PCDHGA4: variants seen among roughly 807,000 people sequenced by gnomAD.
PCDHGA4 encodes the protein protocadherin gamma subfamily A, 4.
Under a neutral mutation model 54.6 loss-of-function variants are expected in PCDHGA4, and 38 were observed. The observed-to-expected ratio is 0.70, with a 90% CI of 0.54 to 0.91. PCDHGA4 has a LOEUF of 0.91. PCDHGA4 is among the 40% of genes least tolerant of loss of function. The probability of loss-of-function intolerance (pLI) is 0.00; values close to 1 mark genes in which losing one functional copy is unlikely to be tolerated. For synonymous variants in PCDHGA4, 511 were observed against 512.9 expected (o/e 1.00, Z 0.05); for missense variants, 1,298 against 1,220.9 (o/e 1.06, Z -0.94).
At chr5:141,430,396 A>G (rs1433813025) in intron 1 of PCDHGA4, among the ~76,000 whole-genome samples, 5 of 151,842 alleles carry the variant, frequency 3.3e-5, no homozygotes, top group Non-Finnish European at 7.4e-5. Context: ...AAAAAAAAAA[A>G]GCTCACTAAA....
At chr5:141,412,067 G>A (rs1428018643) in intron 1 of PCDHGA4, 2 of 152,170 alleles carry the variant, frequency 1.3e-5, no homozygotes, top group Non-Finnish European at 2.9e-5. Context: ...TTGCATTTGA[G>A]GGAACAATTG....
rs564486909 is a variant in PCDHGA4, at chr5:141,428,072, G to C, written c.2515-66735G>C. ...AGGTGGTGGCGGTGGACGCAGATTC[G>C]GGACACAACGCTTGGCTGTCCTACC... is the stretch of plus-strand genomic sequence containing the variant. On this transcript the variant is annotated intron_variant, in intron 1 of 3. Transcript: ENST00000571252. 5 of 1,609,080 alleles carry C rather than the reference G, an allele frequency of 3.1e-6. 1 individual carries two copies. The South Asian group carries it at 5.5e-5, about 18-fold the overall frequency.
intron 3 of PCDHGA4, among the ~76,000 whole-genome samples, chr5:141,506,484 C>T (rs1489425559): frequency 6.6e-6 from 1 of 150,566 alleles, no homozygotes; most frequent in Non-Finnish European, 1.5e-5. Context: ...GCTTTAGAGG[C>T]AGGCCAATCT....
At chr5:141,424,055 C>T (rs2096796946) in intron 1 of PCDHGA4, 1 of 1,007,784 alleles carries the variant, frequency 9.9e-7, no homozygotes. Flanking sequence ...TTTTGCTGTG[C>T]CTTCACTGAT....
chr5:141,388,861 T>C lies in PCDHGA4; in HGVS notation c.2514+31240T>C, dbSNP rs1487226750. 7 of 1,613,872 alleles carry C rather than the reference T, an allele frequency of 4.3e-6. No homozygotes were observed. The East Asian group carries it at 1.1e-4, about 26-fold the overall frequency. On this transcript the variant is annotated intron_variant, in intron 1 of 3. Transcript: ENST00000571252. ...GAAGCAAGGGACGGTGGAGGAATGATTGCGCAATGCACAGTGGAGGTAGAA... is the reference window on the plus strand; with the variant it reads ...GAAGCAAGGGACGGTGGAGGAATGACTGCGCAATGCACAGTGGAGGTAGAA...
chr5:141,393,137 C>T (rs777446564), intron 1 of PCDHGA4: 14 of 1,613,286 alleles, frequency 8.7e-6, no homozygotes, highest in South Asian at 2.2e-5. Context: ...ATATTAACAC[C>T]CTGGTTGAGG....
intron 1 of PCDHGA4, chr5:141,375,485 G>A (rs1478417043): frequency 6.2e-7 from 1 of 1,613,794 alleles, no homozygotes; most frequent in Non-Finnish European, 8.5e-7. Flanking sequence ...CAACCCCAGG[G>A]GTGCCTCCAT....
At chr5:141,415,482 G>A in intron 1 of PCDHGA4, 1 of 1,614,218 alleles carries the variant, frequency 6.2e-7, no homozygotes, top group Non-Finnish European at 8.5e-7. Flanking sequence ...ACTCGCGAAA[G>A]AGTCACCTGA....
At chr5:141,390,138 CTA>C (rs770679519) in intron 1 of PCDHGA4, 6 of 1,613,938 alleles carry the variant, frequency 3.7e-6, no homozygotes, top group Non-Finnish European at 5.1e-6. Flanking sequence ...TTCCTACAAT[CTA>C]TGTGTTGCAC....
Position 141,370,565 on chromosome 5 carries a change from C to T in PCDHGA4, c.2514+12944C>T, listed in dbSNP as rs776498616. ...ACCTCGCCAAGGACCTGGGGTTTGG[C>T]GTGGGGGATTTACCTACTAGGAACC... On this transcript the variant is annotated intron_variant, in intron 1 of 3. Transcript: ENST00000571252. The T allele has an allele frequency of 1.9e-5, 31 of 1,613,664 alleles. No individual in the cohort carries two copies. In the Admixed American group the frequency reaches 5.2e-4, roughly 27 times the overall value.
intron 2 of PCDHGA4, 99 bp from the exon 3 acceptor site, chr5:141,505,294 G>T: frequency 6.4e-7 from 1 of 1,572,086 alleles, no homozygotes; most frequent in Non-Finnish European, 8.6e-7. Context: ...GCATGGGGTA[G>T]GGTTAGGGTA....
intron 1 of PCDHGA4, chr5:141,422,386 A>G: frequency 1.3e-6 from 2 of 1,587,922 alleles, no homozygotes; most frequent in Non-Finnish European, 1.7e-6. Flanking sequence ...CTCCTGTTTT[A>G]TTCCTAACCA....
chr5:141,422,342 TG>T, intron 1 of PCDHGA4: 1 of 1,551,514 alleles, frequency 6.4e-7, no homozygotes. Context: ...CTTCTAAATG[TG>T]CAAGATCAAG....
intron 1 of PCDHGA4, among the ~76,000 whole-genome samples, chr5:141,483,007 C>T (rs938404755): frequency 1.3e-5 from 2 of 152,022 alleles, no homozygotes; most frequent in Non-Finnish European, 2.9e-5. Flanking sequence ...ATTGCTTGAA[C>T]CCGGGAGGCA....
At chr5:141,399,425 G>A (rs2093805755) in intron 1 of PCDHGA4, 1 of 1,613,990 alleles carries the variant, frequency 6.2e-7, no homozygotes. Context: ...TCCAGCATAA[G>A]CGTCATCCTA....
At chr5:141,472,745 G>A (rs931198460) in intron 1 of PCDHGA4, among the ~76,000 whole-genome samples, 4 of 152,038 alleles carry the variant, frequency 2.6e-5, no homozygotes, top group African/African-American at 9.7e-5. Flanking sequence ...CAGCACTTTG[G>A]GAGGCGGAGG....
chr5:141,434,621 G>A (rs980508411), intron 1 of PCDHGA4, among the ~76,000 whole-genome samples: 1 of 151,966 alleles, frequency 6.6e-6, no homozygotes, highest in Non-Finnish European at 1.5e-5. Flanking sequence ...CCATCTCTTC[G>A]TTTCCCATAA....
chr5:141,409,833 C>G (rs973436075), intron 1 of PCDHGA4: 2 of 1,611,368 alleles, frequency 1.2e-6, no homozygotes, highest in Non-Finnish European at 1.7e-6. Context: ...ACGCTCAGCG[C>G]CAACGTGAGC....
At chr5:141,494,522 G>C (rs2099754911) in intron 1 of PCDHGA4, among the ~76,000 whole-genome samples, 1 of 152,196 alleles carries the variant, frequency 6.6e-6, no homozygotes, top group Non-Finnish European at 1.5e-5. Flanking sequence ...CAGGAGTTCT[G>C]ACTCTGGGGG....
Sources: allele counts gnomAD v4.1 joint callset (sites outside exome capture counted in the v4.1 genomes callset), GRCh38; gene constraint gnomAD v4.1.1; transcripts MANE v1.5; gene names NCBI Gene and HGNC (gene_info 2026-07-23, HGNC 2026-07-21).